GPR39: variants seen among roughly 807,000 people sequenced by gnomAD.
GPR39 encodes G protein-coupled receptor 39.
GPR39 carries 23 observed loss-of-function variants against 18.4 expected under a neutral mutation model. That is an observed-to-expected ratio of 1.25 (90% CI 0.90 to 1.77). The LOEUF (loss-of-function observed/expected upper bound fraction) is 1.77, where lower values mean the gene tolerates loss of function less well. Among genes scored for constraint, GPR39 ranks in the 40% most tolerant of loss-of-function variants. GPR39 has a pLI of 0.00. For synonymous variants in GPR39, 280 were observed against 257.9 expected (o/e 1.09, Z -0.82); for missense variants, 647 against 602.4 (o/e 1.07, Z -0.78).
chr2:132,571,953 C>T (rs1680446176), intron 1 of GPR39, among the ~76,000 whole-genome samples: 2 of 152,122 alleles, frequency 1.3e-5, no homozygotes, highest in Admixed American at 6.5e-5. Flanking sequence ...GGAATGGGCT[C>T]AGTTTCTATG....
chr2:132,559,561 T>C (rs1401819518), intron 1 of GPR39, among the ~76,000 whole-genome samples: 3 of 152,070 alleles, frequency 2.0e-5, no homozygotes, highest in East Asian at 3.9e-4. Context: ...ATGAAGTTGA[T>C]GGAAGCACGC....
chr2:132,583,694 C>T (rs149130375), intron 1 of GPR39, among the ~76,000 whole-genome samples: 80 of 151,642 alleles, frequency 5.3e-4, no homozygotes, highest in African/African-American at 1.8e-3. Flanking sequence ...TGCTCTGTGA[C>T]GTCTGAGGCC....
chr2:132,428,821 C>G (rs866196902), intron 1 of GPR39, among the ~76,000 whole-genome samples: 7 of 152,188 alleles, frequency 4.6e-5, no homozygotes, highest in African/African-American at 1.7e-4. Flanking sequence ...TGGGAATTTG[C>G]TCCATGACAC....
intron 1 of GPR39, among the ~76,000 whole-genome samples, chr2:132,543,501 C>T (rs1481387488): frequency 6.6e-6 from 1 of 152,138 alleles, no homozygotes; most frequent in Non-Finnish European, 1.5e-5. Flanking sequence ...TGGCTAACTC[C>T]TTTCAATAAC....
intron 1 of GPR39, among the ~76,000 whole-genome samples, chr2:132,495,015 C>T (rs1681612812): frequency 6.6e-6 from 1 of 152,086 alleles, no homozygotes; most frequent in African/African-American, 2.4e-5. Flanking sequence ...GATGTGATCC[C>T]CAGCCCTAGC....
rs1469625928 is a variant in GPR39 at position 132,645,887 on chromosome 2, G to A, written c.*281G>A. The stretch of plus-strand genomic sequence containing the variant: ...CTGAATTTATTCAGAATGCTTTACC[G>A]AGCTCTTTCATTATTTGCACAGGAA... On this transcript the variant is annotated 3_prime_UTR_variant, in exon 2 of 2. Coordinates refer to ENST00000329321, the MANE Select transcript of GPR39 (RefSeq NM_001508.3). The A allele has an allele frequency of 1.1e-5, 7 of 661,458 alleles. No individual in the cohort carries two copies. Among genetic ancestry groups the A allele is most frequent in the Non-Finnish European group, 1.5e-5 (6 of 396,804 alleles). 41.0% of individuals were successfully genotyped at this position (661,458 alleles called of 1,614,324 possible).
At chr2:132,489,128 C>G (rs1208682387) in intron 1 of GPR39, 2 of 237,780 alleles carry the variant, frequency 8.4e-6, no homozygotes, top group Non-Finnish European at 1.8e-5. Context: ...CATATCCTAC[C>G]CTGCGAAGGT....
intron 1 of GPR39, among the ~76,000 whole-genome samples, chr2:132,436,928 C>A (rs1406663186): frequency 2.0e-5 from 3 of 152,202 alleles, no homozygotes; most frequent in Non-Finnish European, 4.4e-5. Flanking sequence ...GTTCTAAGAT[C>A]TTTTTGTATG....
chr2:132,518,170 A>G (rs1386511467), intron 1 of GPR39, among the ~76,000 whole-genome samples: 2 of 152,174 alleles, frequency 1.3e-5, no homozygotes, highest in African/African-American at 4.8e-5. Flanking sequence ...CATCCATTAT[A>G]ATGTTCTTGG....
At chr2:132,530,191 A>G (rs1679589312) in intron 1 of GPR39, among the ~76,000 whole-genome samples, 1 of 152,236 alleles carries the variant, frequency 6.6e-6, no homozygotes, top group South Asian at 2.1e-4. Flanking sequence ...CCATGGCACA[A>G]GAACGATGTG....
At chr2:132,573,329 TC>T (rs1680475438) in intron 1 of GPR39, among the ~76,000 whole-genome samples, 1 of 152,150 alleles carries the variant, frequency 6.6e-6, no homozygotes, top group African/African-American at 2.4e-5. Context: ...ATCCCCCAAT[TC>T]ACTGCTTGTT....
chr2:132,575,974 G>C (rs571901720), intron 1 of GPR39, among the ~76,000 whole-genome samples: 38 of 152,274 alleles, frequency 2.5e-4, no homozygotes, highest in African/African-American at 9.1e-4. Context: ...ACGGCACTCT[G>C]TGAACCAGGA....
At chr2:132,547,305 C>T (rs142609167) in intron 1 of GPR39, among the ~76,000 whole-genome samples, 1,762 of 152,216 alleles carry the variant, frequency 0.012, 18 homozygotes, top group South Asian at 0.028. Flanking sequence ...CAGCAATGCA[C>T]GTACATTAAT....
At position 132,423,014 on chromosome 2, in the gene GPR39, C is replaced by T. The variant is rs530320430; in HGVS notation, c.856+5116C>T. ...AAGCCATTTACGAGTTGAGACAGCG[C>T]CGTGGAAGAATATTGAATTGGGAGT... On this transcript the variant is annotated intron_variant, in intron 1 of 1. Transcript: ENST00000329321. 8.6e-5 allele frequency among the ~76,000 whole-genome samples: 13 copies of T among 152,032 alleles called. No individual in the cohort carries two copies. In the South Asian group the frequency reaches 2.5e-3, roughly 29 times the overall value.
intron 1 of GPR39, among the ~76,000 whole-genome samples, chr2:132,577,914 T>C (rs1368209834): frequency 6.6e-6 from 1 of 152,152 alleles, no homozygotes; most frequent in Non-Finnish European, 1.5e-5. Flanking sequence ...AGTACTATGT[T>C]GAGTAACAGT....
intron 1 of GPR39, among the ~76,000 whole-genome samples, chr2:132,422,029 T>G (rs1027973678): frequency 6.6e-6 from 1 of 152,220 alleles, no homozygotes; most frequent in African/African-American, 2.4e-5. Flanking sequence ...AAATATAAGT[T>G]ATAGTTACAA....
At chr2:132,537,223 T>C (rs1184496552) in intron 1 of GPR39, among the ~76,000 whole-genome samples, 4 of 152,356 alleles carry the variant, frequency 2.6e-5, no homozygotes, top group East Asian at 1.9e-4. Flanking sequence ...TTAATTTCCA[T>C]ATTTAGTGCT....
At chr2:132,535,938 G>A (rs962209836) in intron 1 of GPR39, among the ~76,000 whole-genome samples, 3 of 144,290 alleles carry the variant, frequency 2.1e-5, no homozygotes, top group Non-Finnish European at 4.6e-5. Context: ...TTTTATTGTG[G>A]TCTATTTGAT....
At chr2:132,602,133 A>T (rs1681052937) in intron 1 of GPR39, among the ~76,000 whole-genome samples, 1 of 152,172 alleles carries the variant, frequency 6.6e-6, no homozygotes, top group Non-Finnish European at 1.5e-5. Flanking sequence ...ATACTACCTG[A>T]CTTCAAAATA....
Sources: gnomAD v4.1 joint callset for allele counts (sites outside exome capture counted in the v4.1 genomes callset) on GRCh38, gnomAD v4.1.1 for gene constraint, MANE v1.5 for transcripts, NCBI Gene and HGNC (gene_info 2026-07-23, HGNC 2026-07-21) for gene names.